DDX1: variants seen among roughly 807,000 people sequenced by gnomAD.
The protein encoded by DDX1 is DEAD-box helicase 1, also known as ATP-dependent RNA helicase DDX1.
Under a neutral mutation model 108.7 loss-of-function variants are expected in DDX1, and 28 were observed. That is an observed-to-expected ratio of 0.26 (90% CI 0.19 to 0.35). The LOEUF (loss-of-function observed/expected upper bound fraction) is 0.35. Ranked by LOEUF, DDX1 falls within the 10% of genes least tolerant of loss-of-function variation. The pLI, the probability that DDX1 is intolerant of heterozygous loss-of-function variation, is 1.00. For missense variants in DDX1, 710 were observed against 884.5 expected (o/e 0.80, Z 2.50); for synonymous variants, 295 against 288.9 (o/e 1.02, Z -0.21).
At chr2:15,621,842 T>C (rs62122279) in intron 18 of DDX1, among the ~76,000 whole-genome samples, 21,921 of 151,794 alleles carry the variant, frequency 0.14, 1,909 homozygotes, top group East Asian at 0.37. Context: ...TCAGTAGAGA[T>C]GAGGTTTCAC....
chr2:15,593,903 C>T (rs1351974952), intron 1 of DDX1, among the ~76,000 whole-genome samples: 3 of 151,758 alleles, frequency 2.0e-5, no homozygotes, highest in African/African-American at 7.3e-5. Flanking sequence ...AGTGAAACCC[C>T]GTCTCTACTA....
chr2:15,628,881 T>A, intron 23 of DDX1, 42 bp downstream of exon 23: 1 of 1,554,140 alleles, frequency 6.4e-7, no homozygotes, highest in Non-Finnish European at 8.9e-7. Context: ...GTGTGTGTTG[T>A]GATTTTAGAT....
intron 6 of DDX1, among the ~76,000 whole-genome samples, chr2:15,601,916 G>A (rs554926957): frequency 6.6e-6 from 1 of 152,308 alleles, no homozygotes; most frequent in East Asian, 1.9e-4. Context: ...ACATCACTGA[G>A]ACTGATCATG....
chr2:15,628,762 TA>T lies in DDX1; in HGVS notation c.1833-32del, dbSNP rs759220730. 2.5e-6 allele frequency: 4 copies of T among 1,613,034 alleles called. No homozygotes were observed. In the East Asian group the frequency reaches 8.9e-5, roughly 36 times the overall value. ...TTTTTAAGCTTGTATGCTTTAGGAA[TA>T]AAGTCTAATAGAAGGCTTTTAACCA... On this transcript the variant is annotated intron_variant, in intron 22 of 25. Coordinates refer to ENST00000233084, the MANE Select transcript of DDX1 (RefSeq NM_004939.3).
rs749521700 is a variant in DDX1 at position 15,606,234 on chromosome 2, G to T, written c.787G>T (p.Asp263Tyr). 1.2e-6 allele frequency: 2 copies of T among 1,613,908 alleles called. No individual in the cohort carries two copies. The highest frequency in any genetic ancestry group is 2.2e-5 in the South Asian group (2 of 91,050). ...CTTTGTTGCTCTTTCCAAGGCACCG[G>T]ATGGTTACATTGTCAAATCACAGCA... ...DGFVALSKAPDGYIVKSQHSG... is the reference protein window; with the variant it reads ...DGFVALSKAPYGYIVKSQHSG... The change falls in exon 12 of 26, where the codon GAT becomes TAT. Residue 263 changes from aspartate (D) to tyrosine (Y), a missense_variant. Asp to Tyr is a radical substitution (Grantham distance 160, BLOSUM62 -3). Coordinates refer to ENST00000233084, the MANE Select transcript of DDX1 (RefSeq NM_004939.3).
Position 15,595,147 on chromosome 2 carries a change from A to T in DDX1, c.19A>T (p.Met7Leu). The change falls in exon 2 of 26, where the codon ATG (methionine) becomes TTG (leucine). Residue 7 changes from methionine (M) to leucine (L), a missense_variant and splice_region_variant. This residue lies in a region of DDX1 where 48 missense variants were observed against 57.5 expected (regional missense o/e 0.83). Transcript: ENST00000233084. ...TTAAAATTAATTTTTACTTTCAGAG[A>T]TGGGTGTAATGCCTGAGATTGCACA... The part of the protein sequence containing the change: MAAFSE[M>L]GVMPEIAQAV... 3.1e-6 allele frequency: 5 copies of T among 1,608,108 alleles called. No individual in the cohort carries two copies. Among genetic ancestry groups the T allele is most frequent in the Non-Finnish European group, 4.2e-6 (5 of 1,177,266 alleles).
Position 15,620,502 on chromosome 2 carries a change from GA to G in DDX1, c.1395+110del, listed in dbSNP as rs1193973670. On this transcript the variant is annotated intron_variant, in intron 17 of 25. Transcript: ENST00000233084. ...TAAGGCAATCAGTTATTGTATCAAA[GA>G]AAAGTCCAATACATCGTAAACCCTT... The G allele has an allele frequency of 7.3e-6, 6 of 816,716 alleles. No homozygotes were observed. In the Admixed American group the frequency reaches 1.2e-4, roughly 16 times the overall value. The allele number at this position is 816,716 out of a possible 1,614,324, so 50.6% of individuals were successfully genotyped here. A position where few individuals can be genotyped will look rare whatever the true frequency, so the allele number is the denominator to read the frequency against.
At chr2:15,603,564 T>C (rs745852235) in intron 8 of DDX1, among the ~76,000 whole-genome samples, 1 of 152,192 alleles carries the variant, frequency 6.6e-6, no homozygotes, top group African/African-American at 2.4e-5. Context: ...CTTCATGTTA[T>C]TGTAAACTTG....
chr2:15,604,738 G>T (rs1264930911), intron 10 of DDX1, among the ~76,000 whole-genome samples: 2 of 152,200 alleles, frequency 1.3e-5, no homozygotes, highest in Admixed American at 1.3e-4. Context: ...GTGAAAGACA[G>T]ACATATAATA....
In DDX1 at chr2:15,606,011, T is replaced by C. The variant is rs1665655419; in HGVS notation, c.687T>C (p.Pro229=). 1 of 1,589,416 alleles carries C rather than the reference T, an allele frequency of 6.3e-7. No homozygotes were observed. Among genetic ancestry groups the C allele is most frequent in the African/African-American group, 1.4e-5 (1 of 73,488 alleles). ...PPHMKNQALF[P]ACVLKNAELK... ...ATATGAAAAACCAAGCCCTCTTTCCTGCCTGTGTTTTGAAGGTAATTAGGA... is the reference window on the plus strand; with the variant it reads ...ATATGAAAAACCAAGCCCTCTTTCCCGCCTGTGTTTTGAAGGTAATTAGGA... Residue 229 remains proline (P), a synonymous_variant, in exon 11 of 26, where the codon CCT becomes CCC. Coordinates refer to ENST00000233084, the MANE Select transcript of DDX1 (RefSeq NM_004939.3).
At chr2:15,622,527 A>C (rs1403256279) in intron 18 of DDX1, among the ~76,000 whole-genome samples, 1 of 152,204 alleles carries the variant, frequency 6.6e-6, no homozygotes, top group Non-Finnish European at 1.5e-5. Flanking sequence ...TGGATCATTC[A>C]TTGGTGAGGG....
chr2:15,599,346 G>A (rs536817453), intron 5 of DDX1, among the ~76,000 whole-genome samples: 7 of 150,302 alleles, frequency 4.7e-5, no homozygotes, highest in Middle Eastern at 3.5e-3. Context: ...TCGCTCTGTC[G>A]CCCAGGCTGG....
At position 15,617,288 on chromosome 2, in the gene DDX1, G is replaced by C. The variant is rs1306783015; in HGVS notation, c.1062G>C (p.Val354=). The C allele has an allele frequency of 1.3e-6, 2 of 1,594,734 alleles. No individual in the cohort carries two copies. Among genetic ancestry groups the C allele is most frequent in the African/African-American group, 1.3e-5 (1 of 74,404 alleles). The change falls in exon 15 of 26, where the codon GTG becomes GTC. Residue 354 remains valine (V), a synonymous_variant. Transcript: ENST00000233084. ...CTCCGGGAAGACTAGATGACTTGGT[G>C]TCAACTGGAAAGCTGAACTTATCTC... ...VGTPGRLDDL[V]STGKLNLSQV...
At chr2:15,630,666 A>AT in intron 25 of DDX1, 110 bp from the exon 26 acceptor site, 2 of 1,175,312 alleles carry the variant, frequency 1.7e-6, no homozygotes, top group Non-Finnish European at 2.4e-6. Context: ...CCAGTAGTAC[A>AT]TTTTATTGCT....
intron 1 of DDX1, among the ~76,000 whole-genome samples, chr2:15,593,688 T>C (rs1665454976): frequency 6.6e-6 from 1 of 152,182 alleles, no homozygotes; most frequent in Admixed American, 6.5e-5. Context: ...GAACATAGAC[T>C]GTAATACAGG....
Position 15,620,292 on chromosome 2 carries a change from T to C in DDX1, c.1291T>C (p.Leu431=). 6.2e-7 allele frequency: 1 copy of C among 1,614,028 alleles called. No homozygotes were observed. Among genetic ancestry groups the C allele is most frequent in the Non-Finnish European group, 8.5e-7 (1 of 1,179,898 alleles). The part of the protein sequence containing the change: ...KIMHFPTWVD[L]KGEDSVPDTV... Reference sequence around the variant, plus strand: ...AATGCATTTTCCTACATGGGTTGACTTAAAAGGAGAAGACTCTGTTCCAGA... The same window carrying C: ...AATGCATTTTCCTACATGGGTTGACCTAAAAGGAGAAGACTCTGTTCCAGA... The change falls in exon 17 of 26, where the codon TTA becomes CTA. Residue 431 remains leucine, a synonymous_variant. Transcript: ENST00000233084.
intron 13 of DDX1, among the ~76,000 whole-genome samples, chr2:15,612,630 C>G (rs1208487624): frequency 1.3e-5 from 2 of 151,994 alleles, no homozygotes; most frequent in South Asian, 2.1e-4. Flanking sequence ...GCTGCAATCT[C>G]GGCACTTTGG....
At chr2:15,628,892 GT>G in intron 23 of DDX1, 53 bp downstream of exon 23, 1 of 1,534,722 alleles carries the variant, frequency 6.5e-7, no homozygotes, top group Non-Finnish European at 9.0e-7. Context: ...GATTTTAGAT[GT>G]TGGAAATAAA....
chr2:15,630,239 C>T, intron 25 of DDX1, 129 bp downstream of exon 25: 1 of 882,222 alleles, frequency 1.1e-6, no homozygotes, highest in Non-Finnish European at 1.8e-6. Context: ...TCATTCCCTC[C>T]TTATTACCCT....
Sources: gnomAD v4.1 joint callset for allele counts (sites outside exome capture counted in the v4.1 genomes callset) on GRCh38, gnomAD v4.1.1 for gene constraint, gnomAD v4.1.1 regional missense constraint, MANE v1.5 for transcripts, NCBI Gene and HGNC (gene_info 2026-07-23, HGNC 2026-07-21) for gene names.